PHACTR2: variants seen among roughly 807,000 people sequenced by gnomAD.
The protein encoded by PHACTR2 is phosphatase and actin regulator 2.
Under a neutral mutation model 76.0 loss-of-function variants are expected in PHACTR2, and 30 were observed. The observed-to-expected ratio is 0.39, with a 90% CI of 0.30 to 0.54. The LOEUF is 0.54. Ranked by LOEUF, PHACTR2 falls within the 20% of genes least tolerant of loss-of-function variation. The pLI, the probability that PHACTR2 is intolerant of heterozygous loss-of-function variation, is 0.61. For missense variants in PHACTR2, 696 were observed against 781.1 expected (o/e 0.89, Z 1.30); for synonymous variants, 292 against 292.5 (o/e 1.00, Z 0.02).
rs1778749899 is a variant in PHACTR2, at chr6:143,733,417, TGAAC to T, written c.215-15564_215-15561del. The stretch of plus-strand genomic sequence containing the variant: ...AAACATTCAGTAAATGTATATTGAA[TGAAC>T]GAATGAATGAATGAATGGCTCTTGA... On this transcript the variant is annotated intron_variant, in intron 2 of 12. Transcript: ENST00000440869. The surrounding 1 kb of genome is among the most constrained non-coding windows in gnomAD (Gnocchi z 4.0). Among the ~76,000 whole-genome samples, 1 of 152,196 alleles carries T rather than the reference TGAAC, an allele frequency of 6.6e-6. No individual in the cohort carries two copies. Among genetic ancestry groups the T allele is most frequent in the African/African-American group, 2.4e-5 (1 of 41,462 alleles).
intron 1 of PHACTR2, among the ~76,000 whole-genome samples, chr6:143,694,846 A>G (rs893403374): frequency 2.6e-5 from 4 of 152,198 alleles, no homozygotes; most frequent in Non-Finnish European, 4.4e-5. Context: ...CAGGCTTCCA[A>G]TGATGTCTTC....
In PHACTR2 at chr6:143,821,309, A is replaced by G. The variant is rs1025908656; in HGVS notation, c.1923-2365A>G. Among the ~76,000 whole-genome samples the G allele has an allele frequency of 6.6e-6, 1 of 152,248 alleles. No individual in the cohort carries two copies. Among genetic ancestry groups the G allele is most frequent in the Non-Finnish European group, 1.5e-5 (1 of 68,034 alleles). ...TTTGACTTTTGTCAAACACAGAAGTAATATAAGTCCCTCGTATCCAACTAG... is the reference window on the plus strand; with the variant it reads ...TTTGACTTTTGTCAAACACAGAAGTGATATAAGTCCCTCGTATCCAACTAG... On this transcript the variant is annotated intron_variant, in intron 12 of 12. Coordinates refer to ENST00000440869, the MANE Select transcript of PHACTR2 (RefSeq NM_001100164.2). The surrounding 1 kb of genome is among the most constrained non-coding windows in gnomAD (Gnocchi z 5.2).
chr6:143,788,331 G>A (rs1431435263), intron 10 of PHACTR2, among the ~76,000 whole-genome samples: 1 of 152,206 alleles, frequency 6.6e-6, no homozygotes, highest in East Asian at 1.9e-4. Flanking sequence ...ACATTTCTGA[G>A]TGTATGGGCT....
At position 143,782,944 on chromosome 6, in the gene PHACTR2, A is replaced by G. The variant is rs1445767896; in HGVS notation, c.1646-275A>G. Among the ~76,000 whole-genome samples, 4 of 152,020 alleles carry G rather than the reference A, an allele frequency of 2.6e-5. No individual in the cohort carries two copies. Among genetic ancestry groups the G allele is most frequent in the Non-Finnish European group, 5.9e-5 (4 of 68,018 alleles). ...CCTGTGGTTTTTTTAAGAATACAAC[A>G]AGACATCAGGAAGCAAAAACGTTTA... On this transcript the variant is annotated intron_variant, in intron 9 of 12. Coordinates refer to ENST00000440869, the MANE Select transcript of PHACTR2 (RefSeq NM_001100164.2). The surrounding 1 kb of genome is among the most constrained non-coding windows in gnomAD (Gnocchi z 4.6).
Position 143,777,293 on chromosome 6 carries a change from T to C in PHACTR2, c.1590-35T>C. Reference sequence around the variant, plus strand: ...TGAGTCTCCTACTAGGGTACCTTGTTTTTAACCTGTAATATATCCTTTTTG... The same window carrying C: ...TGAGTCTCCTACTAGGGTACCTTGTCTTTAACCTGTAATATATCCTTTTTG... On this transcript the variant is annotated intron_variant, in intron 8 of 12. Transcript: ENST00000440869. This position sits in a 1 kb window ranked among gnomAD's most constrained non-coding sequence, Gnocchi z 4.6. 1 of 1,297,210 alleles carries C rather than the reference T, an allele frequency of 7.7e-7. No individual in the cohort carries two copies. Among genetic ancestry groups the C allele is most frequent in the Non-Finnish European group, 1.1e-6 (1 of 908,192 alleles). The allele number at this position is 1,297,210 out of a possible 1,614,324, so 80.4% of individuals were successfully genotyped here.
rs1306460097 is a variant in PHACTR2 at position 143,751,889 on chromosome 6, C to T, written c.296-1865C>T. Among the ~76,000 whole-genome samples the T allele has an allele frequency of 2.6e-5, 4 of 151,542 alleles. No homozygotes were observed. The East Asian group carries it at 7.8e-4, about 29-fold the overall frequency. The stretch of plus-strand genomic sequence containing the variant: ...TTCCTTAACACTCAATACTAGAAAG[C>T]CTTTTCAATATACACACCAGCTAAT... On this transcript the variant is annotated intron_variant, in intron 3 of 12. Transcript: ENST00000440869. This position sits in a 1 kb window ranked among gnomAD's most constrained non-coding sequence, Gnocchi z 5.7.
At position 143,595,168 on chromosome 6, in the gene PHACTR2, C is replaced by T. The variant is rs545899015; in HGVS notation, c.217+57961C>T. ...GCATTTGATGCAAAATATAGATGGA[C>T]GAGGAATGATGTTGCTTATTAAAAA... On this transcript the variant is annotated intron_variant, in intron 1 of 11. Coordinates refer to the PHACTR2 transcript ENST00000367584. This position sits in a 1 kb window ranked among gnomAD's most constrained non-coding sequence, Gnocchi z 4.2. Among the ~76,000 whole-genome samples the T allele has an allele frequency of 1.2e-3, 185 of 152,062 alleles. No individual in the cohort carries two copies. The highest frequency in any genetic ancestry group is 4.1e-3 in the African/African-American group (169 of 41,482).
intron 1 of PHACTR2, among the ~76,000 whole-genome samples, chr6:143,560,883 GT>G (rs1775260312): frequency 6.6e-3 from 59 of 8,886 alleles, no homozygotes; most frequent in African/African-American, 0.017. Flanking sequence ...AAGCAGAGGG[GT>G]GTGTGTGTGT....
Position 143,757,195 on chromosome 6 carries a change from A to G in PHACTR2, c.455-3206A>G, listed in dbSNP as rs965110524. ...TTTGTTCCACAAATAATGAAAGTCT[A>G]CCATAGGTGAGACTCTACTAGGGGC... On this transcript the variant is annotated intron_variant, in intron 4 of 12. Transcript: ENST00000440869. The surrounding 1 kb of genome is among the most constrained non-coding windows in gnomAD (Gnocchi z 4.2). Among the ~76,000 whole-genome samples the G allele has an allele frequency of 6.6e-6, 1 of 152,238 alleles. No individual in the cohort carries two copies. The highest frequency in any genetic ancestry group is 2.4e-5 in the African/African-American group (1 of 41,454).
rs536804842 is a variant in PHACTR2, at chr6:143,760,355, G to C, written c.455-46G>C. ...ATGTCTTGCTCCTTGTGTTTATATG[G>C]TGTGTGTCTGTATCAGTCTGCTTCT... On this transcript the variant is annotated intron_variant, in intron 4 of 12. Transcript: ENST00000440869. The surrounding 1 kb of genome is among the most constrained non-coding windows in gnomAD (Gnocchi z 6.4). 2 of 1,550,890 alleles carry C rather than the reference G, an allele frequency of 1.3e-6. No individual in the cohort carries two copies. Among genetic ancestry groups the C allele is most frequent in the Non-Finnish European group, 8.8e-7 (1 of 1,142,802 alleles).
At chr6:143,813,491 G>A (rs535723110) in intron 12 of PHACTR2, among the ~76,000 whole-genome samples, 1 of 151,978 alleles carries the variant, frequency 6.6e-6, no homozygotes, top group East Asian at 1.9e-4. Flanking sequence ...GGTGGTGGGC[G>A]CCTGTAGTGC....
In PHACTR2 at chr6:143,656,094, A is replaced by AT. The variant is rs1332435003; in HGVS notation, c.13+47773dup. ...AGTGGAGGGAAGGGTAAATCGTGGG[A>AT]TAAAATACACTCATTGACTTTCTTC... On this transcript the variant is annotated intron_variant, in intron 1 of 11. Transcript: ENST00000305766. The surrounding 1 kb of genome is among the most constrained non-coding windows in gnomAD (Gnocchi z 5.3). Among the ~76,000 whole-genome samples, 3 of 152,176 alleles carry AT rather than the reference A, an allele frequency of 2.0e-5. No individual in the cohort carries two copies. The highest frequency in any genetic ancestry group is 1.3e-4 in the Admixed American group (2 of 15,272).
rs1472538257 is a variant in PHACTR2 at position 143,537,265 on chromosome 6, G to C, written c.217+58G>C. 1 of 179,542 alleles carries C rather than the reference G, an allele frequency of 5.6e-6. No individual in the cohort carries two copies. Among genetic ancestry groups the C allele is most frequent in the Non-Finnish European group, 1.1e-5 (1 of 87,922 alleles). 11.1% of individuals were successfully genotyped at this position (179,542 alleles called of 1,614,324 possible). ...GCCGGCCGCGGGCAGGTGGCCGCGA[G>C]GGCGACGCGGCCAACCCGGGGCGCC... On this transcript the variant is annotated intron_variant, in intron 1 of 11. Coordinates refer to the PHACTR2 transcript ENST00000367584. The surrounding 1 kb of genome is among the most constrained non-coding windows in gnomAD (Gnocchi z 4.4).
At chr6:143,732,552 C>T (rs775569689) in intron 2 of PHACTR2, among the ~76,000 whole-genome samples, 6 of 152,078 alleles carry the variant, frequency 3.9e-5, no homozygotes, top group South Asian at 2.1e-4. Flanking sequence ...TTTCTATTGG[C>T]GGCTATTATG....
Position 143,753,907 on chromosome 6 carries a change from A to C in PHACTR2, c.449A>C (p.Lys150Thr), listed in dbSNP as rs772434420. The change falls in exon 4 of 13, where the codon AAG becomes ACG. Residue 150 changes from lysine to threonine, a missense_variant. Lys to Thr is a moderately conservative substitution (Grantham distance 78). This residue lies in a region of PHACTR2 where 460 missense variants were observed against 450.9 expected (regional missense o/e 1.02). Coordinates refer to ENST00000440869, the MANE Select transcript of PHACTR2 (RefSeq NM_001100164.2). This position sits in a 1 kb window ranked among gnomAD's most constrained non-coding sequence, Gnocchi z 4.6. ...CCTCTGGAGGAACAGGCAGAAGATA[A>C]GAAAGGTAAAATAAAGACAAACCCA... is the stretch of plus-strand genomic sequence containing the variant. ...TPPLEEQAEDKKENTENHSET... is the reference protein window; with the variant it reads ...TPPLEEQAEDTKENTENHSET... 10 of 1,598,182 alleles carry C rather than the reference A, an allele frequency of 6.3e-6. 1 individual carries two copies. In the East Asian group the frequency reaches 2.2e-4, roughly 36 times the overall value.
chr6:143,827,157 TATATA>T lies in PHACTR2; in HGVS notation c.*3469_*3473del, dbSNP rs1186729977. 2 of 20,550 alleles carry T rather than the reference TATATA, an allele frequency of 9.7e-5. No homozygotes were observed. The highest frequency in any genetic ancestry group is 1.9e-4 in the Non-Finnish European group (2 of 10,502). The allele number at this position is 20,550 out of a possible 1,614,324, so 1.3% of individuals were successfully genotyped here. ...GCTGCGTTGGCATTAAAAAAGAAAA[TATATA>T]TATATATATATATATATATATATAT... On this transcript the variant is annotated 3_prime_UTR_variant, in exon 13 of 13. Transcript: ENST00000440869.
chr6:143,569,526 T>A (rs1328256647), intron 1 of PHACTR2, among the ~76,000 whole-genome samples: 2 of 152,258 alleles, frequency 1.3e-5, no homozygotes, highest in African/African-American at 4.8e-5. Flanking sequence ...TCTCTGATTT[T>A]AAACCTTTCT....
At position 143,591,985 on chromosome 6, in the gene PHACTR2, CTGTT is replaced by C. The variant is rs1775697012; in HGVS notation, c.217+54782_217+54785del. Among the ~76,000 whole-genome samples the C allele has an allele frequency of 6.6e-6, 1 of 152,096 alleles. No homozygotes were observed. The highest frequency in any genetic ancestry group is 1.5e-5 in the Non-Finnish European group (1 of 68,020). On this transcript the variant is annotated intron_variant, in intron 1 of 11. Transcript: ENST00000367584. This position sits in a 1 kb window ranked among gnomAD's most constrained non-coding sequence, Gnocchi z 6.4. ...GACCCGAGGGTTAGCCTGGGCATGG[CTGTT>C]TGTGGGTTGTGTTGACAGAAGTGCA... is the stretch of plus-strand genomic sequence containing the variant.
Position 143,539,834 on chromosome 6 carries a change from C to T in PHACTR2, c.217+2627C>T, listed in dbSNP as rs1196648696. ...CAGTTTGAAAAGTGCTGCTCTCCCA[C>T]ACTGGTTTTCAAACTTGGCTACACG... On this transcript the variant is annotated intron_variant, in intron 1 of 11. Coordinates refer to the PHACTR2 transcript ENST00000367584. The surrounding 1 kb of genome is among the most constrained non-coding windows in gnomAD (Gnocchi z 4.3). 2.0e-5 allele frequency among the ~76,000 whole-genome samples: 3 copies of T among 152,192 alleles called. No homozygotes were observed.
Sources: gnomAD v4.1 joint callset for allele counts (sites outside exome capture counted in the v4.1 genomes callset) on GRCh38, gnomAD v4.1.1 for gene constraint, gnomAD v4.1.1 regional missense constraint, Gnocchi (gnomAD v3.1) non-coding constraint, MANE v1.5 for transcripts, NCBI Gene and HGNC (gene_info 2026-07-23, HGNC 2026-07-21) for gene names.